Variants in SRD5A2 observed in about 807,000 individuals in gnomAD.
SRD5A2 encodes 3-oxo-5-alpha-steroid 4-dehydrogenase 2.
Under a neutral mutation model 27.4 loss-of-function variants are expected in SRD5A2, and 30 were observed. That is an observed-to-expected ratio of 1.10 (90% CI 0.82 to 1.49). The LOEUF (loss-of-function observed/expected upper bound fraction) is 1.49, where lower values mean the gene tolerates loss of function less well. SRD5A2 is among the 40% of genes most tolerant of loss of function. The probability of loss-of-function intolerance (pLI) is 0.00; values close to 1 mark genes in which losing one functional copy is unlikely to be tolerated. For synonymous variants in SRD5A2, 141 were observed against 133.6 expected, an observed-to-expected ratio of 1.06 and a Z score of -0.38; for missense variants, 348 against 323.4, an observed-to-expected ratio of 1.08 and a Z score of -0.58.
intron 1 of SRD5A2, among the ~76,000 whole-genome samples, chr2:31,535,274 C>G (rs1666002419): frequency 6.6e-6 from 1 of 152,200 alleles, no homozygotes; most frequent in Non-Finnish European, 1.5e-5. Context: ...CCTGCTTCAG[C>G]CTCCCAAAGT....
chr2:31,574,721 G>T (rs913133821), intron 1 of SRD5A2, among the ~76,000 whole-genome samples: 2 of 152,288 alleles, frequency 1.3e-5, no homozygotes, highest in Non-Finnish European at 2.9e-5. Flanking sequence ...AATTTTCTAA[G>T]ATATGCCCGC....
At chr2:31,605,949 A>G in the SRD5A2 span, among the ~76,000 whole-genome samples, 1 of 151,956 alleles carries the variant, frequency 6.6e-6, no homozygotes, top group South Asian at 2.1e-4. Context: ...CATATACACA[A>G]TGAAGTACTA....
the SRD5A2 span, among the ~76,000 whole-genome samples, chr2:31,658,568 A>T: frequency 6.6e-6 from 1 of 152,028 alleles, no homozygotes; most frequent in Non-Finnish European, 1.5e-5. Flanking sequence ...AAAAAAAAAA[A>T]TCCTCAGAGA....
At chr2:31,639,215 C>T in the SRD5A2 span, among the ~76,000 whole-genome samples, 115 of 152,112 alleles carry the variant, frequency 7.6e-4, no homozygotes, top group Middle Eastern at 6.8e-3. Context: ...AAAAATTCTA[C>T]GCTTTAACTC....
intron 1 of SRD5A2, among the ~76,000 whole-genome samples, chr2:31,564,052 A>C (rs1666679587): frequency 6.6e-6 from 1 of 152,110 alleles, no homozygotes; most frequent in Non-Finnish European, 1.5e-5. Context: ...AAAGATTACC[A>C]GGCATGCAAA....
At chr2:31,547,165 AC>A (rs1662802790) in intron 1 of SRD5A2, among the ~76,000 whole-genome samples, 3 of 152,234 alleles carry the variant, frequency 2.0e-5, no homozygotes, top group Non-Finnish European at 1.5e-5. Flanking sequence ...CCTGTGAAAT[AC>A]AATACAGAGT....
At chr2:31,597,230 C>A in the SRD5A2 span, among the ~76,000 whole-genome samples, 1 of 152,020 alleles carries the variant, frequency 6.6e-6, no homozygotes, top group African/African-American at 2.4e-5. Flanking sequence ...AGAAAGAACA[C>A]CCTACTCAAC....
the SRD5A2 span, among the ~76,000 whole-genome samples, chr2:31,621,503 C>T: frequency 6.6e-6 from 1 of 152,080 alleles, no homozygotes; most frequent in Non-Finnish European, 1.5e-5. Context: ...TTAATTCACC[C>T]TTTGAAAGGC....
At chr2:31,582,072 AC>A (rs756447713), upstream of SRD5A2, among the ~76,000 whole-genome samples, 11 of 149,150 alleles carry the variant, frequency 7.4e-5, no homozygotes, top group Non-Finnish European at 1.3e-4. Flanking sequence ...CCTGCTGTTT[AC>A]CTCATTCTTT....
the SRD5A2 span, among the ~76,000 whole-genome samples, chr2:31,661,103 T>C: frequency 6.6e-6 from 1 of 152,118 alleles, no homozygotes; most frequent in African/African-American, 2.4e-5. Context: ...CACTGAGCAA[T>C]AGTTTTGCTT....
chr2:31,526,104 C>CATACATATATATATATAT lies in SRD5A2; in HGVS notation c.*91_*92insATATATATATATATGTAT. On this transcript the variant is annotated 3_prime_UTR_variant, in exon 5 of 5. Transcript: ENST00000622030. ...CAGGAGACCTACTATTACATATATA[C>CATACATATATATATATAT]GGGACTATTATATCATGAAAATTAC... The CATACATATATATATATAT allele has an allele frequency of 2.5e-6, 2 of 795,652 alleles. No individual in the cohort carries two copies. Among genetic ancestry groups the CATACATATATATATATAT allele is most frequent in the Admixed American group, 2.2e-5 (1 of 44,938 alleles). The allele number at this position is 795,652 out of a possible 1,614,324, so 49.3% of individuals were successfully genotyped here.
At chr2:31,656,538 G>C in the SRD5A2 span, among the ~76,000 whole-genome samples, 2 of 152,158 alleles carry the variant, frequency 1.3e-5, no homozygotes, top group African/African-American at 4.8e-5. Context: ...AAATGGATTA[G>C]TGCCTAATTA....
chr2:31,653,723 G>C, the SRD5A2 span, among the ~76,000 whole-genome samples: 1 of 151,996 alleles, frequency 6.6e-6, no homozygotes, highest in East Asian at 1.9e-4. Flanking sequence ...GCAACAGTGC[G>C]ATCTCAGCTC....
At chr2:31,543,797 G>A (rs984891458) in intron 1 of SRD5A2, among the ~76,000 whole-genome samples, 1 of 152,042 alleles carries the variant, frequency 6.6e-6, no homozygotes, top group Non-Finnish European at 1.5e-5. Flanking sequence ...GGAGTTATAC[G>A]GTGTAGAGAA....
At chr2:31,555,155 G>GA (rs34909509) in intron 1 of SRD5A2, among the ~76,000 whole-genome samples, 1,873 of 143,290 alleles carry the variant, frequency 0.013, 22 homozygotes, top group South Asian at 0.021. Context: ...CACACAACTA[G>GA]AAAAAAAAAA....
chr2:31,594,614 A>T, the SRD5A2 span, among the ~76,000 whole-genome samples: 1 of 152,172 alleles, frequency 6.6e-6, no homozygotes, highest in African/African-American at 2.4e-5. Context: ...GGGGAACTTC[A>T]ATAGAATACT....
the SRD5A2 span, among the ~76,000 whole-genome samples, chr2:31,625,301 T>A: frequency 6.6e-6 from 1 of 152,228 alleles, no homozygotes; most frequent in Non-Finnish European, 1.5e-5. Context: ...TTTGTCCCAT[T>A]CTGTAGGTTG....
rs780448796 is a variant in SRD5A2 at position 31,533,620 on chromosome 2, T to A, written c.428A>T (p.Asp143Val). The A allele has an allele frequency of 1.9e-6, 3 of 1,552,272 alleles. No individual in the cohort carries two copies. In the African/African-American group the frequency reaches 4.1e-5, roughly 21 times the overall value. ...CAEYPDGWYT[D>V]IRFSLGVFLF... ...TCACTTACCCAAGCTAAACCGTATG[T>A]CTGTGTACCACCCATCAGGGTATTC... Residue 143 changes from aspartate to valine, a missense_variant, in exon 2 of 5, where the codon GAC (aspartate) becomes GTC (valine). Coordinates refer to ENST00000622030, the MANE Select transcript of SRD5A2 (RefSeq NM_000348.4).
chr2:31,610,836 G>T, the SRD5A2 span, among the ~76,000 whole-genome samples: 1 of 152,076 alleles, frequency 6.6e-6, no homozygotes, highest in Non-Finnish European at 1.5e-5. Context: ...TGCCATGCAC[G>T]GTGGCTCATG....
Sources: gnomAD v4.1 joint callset for allele counts (sites outside exome capture counted in the v4.1 genomes callset) on GRCh38, gnomAD v4.1.1 for gene constraint, MANE v1.5 for transcripts, NCBI Gene and HGNC (gene_info 2026-07-23, HGNC 2026-07-21) for gene names.